TRAPPC13: variants seen among roughly 807,000 people sequenced by gnomAD.
TRAPPC13 encodes the protein REV7-interacting novel NHEJ regulator 1.
In TRAPPC13, 39 loss-of-function variants were observed where a neutral mutation model predicts 54.0. The observed-to-expected ratio is 0.72, with a 90% confidence interval of 0.56 to 0.94. TRAPPC13 has a LOEUF of 0.94. Ranked by LOEUF, TRAPPC13 falls within the 40% of genes least tolerant of loss-of-function variation. The pLI, the probability that TRAPPC13 is intolerant of heterozygous loss-of-function variation, is 0.00. For missense variants in TRAPPC13, 386 were observed against 488.1 expected (o/e 0.79, Z 1.97); for synonymous variants, 148 against 167.7 (o/e 0.88, Z 0.91).
At chr5:65,627,131 C>CAAAAAAAAAAAAAAAAAAAAAAAA (rs60169195) in intron 1 of TRAPPC13, among the ~76,000 whole-genome samples, 13 of 32,576 alleles carry the variant, frequency 4.0e-4, no homozygotes, top group Non-Finnish European at 4.5e-4. Flanking sequence ...GACCCTGTCT[C>CAAAAAAAAAAAAAAAAAAAAAAAA]AAAAAAAAAA....
Position 65,662,160 on chromosome 5 carries a change from C to G in TRAPPC13, c.998+10C>G. The G allele has an allele frequency of 6.3e-7, 1 of 1,579,086 alleles. No individual in the cohort carries two copies. Among genetic ancestry groups the G allele is most frequent in the Non-Finnish European group, 8.6e-7 (1 of 1,157,460 alleles). On this transcript the variant is annotated intron_variant, in intron 11 of 12. Transcript: ENST00000399438. ...AAATAACAAACTGCAGGTAATGCCA[C>G]TGTTTGTAGATGGATGTCCTTTCTA... is the stretch of plus-strand genomic sequence containing the variant.
rs373648699 is a variant in TRAPPC13 at position 65,629,885 on chromosome 5, C to A, written c.46+4779C>A. 8.5e-6 allele frequency: 13 copies of A among 1,535,956 alleles called. No homozygotes were observed. In the East Asian group the frequency reaches 1.2e-4, roughly 14 times the overall value. Reference sequence around the variant, plus strand: ...GGAGTTTCAACCTAGCTTGAAAAAGCAGCATTTAACCTGGTCACACACACT... The same window carrying A: ...GGAGTTTCAACCTAGCTTGAAAAAGAAGCATTTAACCTGGTCACACACACT... On this transcript the variant is annotated intron_variant, in intron 1 of 12. Coordinates refer to ENST00000399438, the MANE Select transcript of TRAPPC13 (RefSeq NM_024941.4).
At chr5:65,653,107 A>G (rs1756529769) in intron 7 of TRAPPC13, among the ~76,000 whole-genome samples, 1 of 150,234 alleles carries the variant, frequency 6.7e-6, no homozygotes, top group Admixed American at 6.6e-5. Context: ...TTTACCCTAA[A>G]AAAAAAGAGA....
Position 65,658,394 on chromosome 5 carries a change from G to C in TRAPPC13, c.591G>C (p.Gln197His), listed in dbSNP as rs781238575. Residue 197 changes from glutamine (Q) to histidine (H), a missense_variant, in exon 9 of 13, where the codon CAG becomes CAC. Transcript: ENST00000399438. ...SVTDEVFLEA[Q>H]IQNMTTSPMF... ...CTGATGAAGTATTTCTGGAAGCCCA[G>C]ATTCAGAATATGACAACCTCACCTA... 1.3e-6 allele frequency: 2 copies of C among 1,599,896 alleles called. No homozygotes were observed. The highest frequency in any genetic ancestry group is 2.3e-5 in the South Asian group (2 of 88,680).
chr5:65,663,364 T>C (rs1237351741), intron 11 of TRAPPC13: 1 of 152,144 alleles, frequency 6.6e-6, no homozygotes, highest in Non-Finnish European at 1.5e-5. Context: ...ACACAACATA[T>C]ATAAGTCTTA....
rs191128319 is a variant in TRAPPC13 at position 65,637,876 on chromosome 5, T to C, written c.300+96T>C. The C allele has an allele frequency of 1.7e-5, 10 of 580,208 alleles. No individual in the cohort carries two copies. The East Asian group carries it at 4.1e-4, about 24-fold the overall frequency. The allele number at this position is 580,208 out of a possible 1,614,324, so 35.9% of individuals were successfully genotyped here. On this transcript the variant is annotated intron_variant, in intron 4 of 12. Transcript: ENST00000399438. ...GCTCATGCCTGTAATCCTAGCACTTTAGGAGGCTGAAGCAGGTGGATCACC... is the reference window on the plus strand; with the variant it reads ...GCTCATGCCTGTAATCCTAGCACTTCAGGAGGCTGAAGCAGGTGGATCACC...
chr5:65,634,982 T>A, intron 1 of TRAPPC13: 1 of 888,456 alleles, frequency 1.1e-6, no homozygotes, highest in Non-Finnish European at 1.3e-6. Context: ...AGAATTTTTT[T>A]AAAGCCTTAT....
chr5:65,656,752 A>C (rs924195278), intron 8 of TRAPPC13, among the ~76,000 whole-genome samples: 6 of 151,938 alleles, frequency 3.9e-5, no homozygotes, highest in Non-Finnish European at 7.4e-5. Context: ...TAAAAAATAC[A>C]AAAATTAGCC....
At chr5:65,626,907 G>A (rs1755261902) in intron 1 of TRAPPC13, among the ~76,000 whole-genome samples, 2 of 151,916 alleles carry the variant, frequency 1.3e-5, no homozygotes, top group South Asian at 2.1e-4. Context: ...TTGGGAGGCC[G>A]AGGCTGGCAG....
intron 10 of TRAPPC13, chr5:65,661,150 T>C (rs1756838778): frequency 1.0e-5 from 2 of 190,606 alleles, no homozygotes; most frequent in South Asian, 8.8e-5. Context: ...AAAATAACTG[T>C]TATTAAGTGT....
At chr5:65,661,527 A>AATG (rs542873795) in intron 10 of TRAPPC13, 1 of 152,438 alleles carries the variant, frequency 6.6e-6, no homozygotes, top group African/African-American at 2.4e-5. Context: ...ATTTTTAAAA[A>AATG]ATGATGATGA....
At chr5:65,651,631 T>A (rs926489546) in intron 6 of TRAPPC13, among the ~76,000 whole-genome samples, 2 of 123,084 alleles carry the variant, frequency 1.6e-5, no homozygotes, top group Non-Finnish European at 3.6e-5. Context: ...AAAACACTGG[T>A]TTAGCACATT....
chr5:65,635,647 G>T (rs1755717975), intron 2 of TRAPPC13, among the ~76,000 whole-genome samples: 1 of 151,724 alleles, frequency 6.6e-6, no homozygotes, highest in East Asian at 1.9e-4. Context: ...ATCCTCAAAT[G>T]TTGCATCAAT....
chr5:65,641,725 A>C (rs377395420), intron 4 of TRAPPC13, among the ~76,000 whole-genome samples: 27 of 147,320 alleles, frequency 1.8e-4, no homozygotes, highest in Admixed American at 6.1e-4. Flanking sequence ...AAAAAAAAAA[A>C]CAAAAAAAAC....
intron 6 of TRAPPC13, among the ~76,000 whole-genome samples, chr5:65,651,644 T>C (rs1476825355): frequency 2.4e-5 from 2 of 84,504 alleles, no homozygotes; most frequent in African/African-American, 7.1e-5. Context: ...AGCACATTTA[T>C]GTGGGGGGGG....
At chr5:65,664,483 C>CCTCT (rs750075669) in intron 12 of TRAPPC13, 21 bp from the exon 13 acceptor site, 1 of 1,034,352 alleles carries the variant, frequency 9.7e-7, no homozygotes, top group Admixed American at 2.4e-5. Context: ...AACTTAGACT[C>CCTCT]ATCTCTCTCT....
intron 11 of TRAPPC13, chr5:65,663,615 A>G (rs1156778026): frequency 2.0e-5 from 3 of 152,224 alleles, no homozygotes; most frequent in Non-Finnish European, 4.4e-5. Flanking sequence ...ATTTTTCATT[A>G]TGAGCCTTTT....
chr5:65,630,250 A>C (rs1043631186), intron 1 of TRAPPC13: 2 of 1,535,784 alleles, frequency 1.3e-6, no homozygotes, highest in Non-Finnish European at 1.7e-6. Context: ...TGTATTGTGA[A>C]TATGTGGGAA....
chr5:65,629,551 A>G (rs1298169288), intron 1 of TRAPPC13: 7 of 1,475,466 alleles, frequency 4.7e-6, no homozygotes, highest in African/African-American at 1.4e-5. Flanking sequence ...CAACTAAGAA[A>G]TTTTCTCATC....
Sources: gnomAD v4.1 joint callset for allele counts (sites outside exome capture counted in the v4.1 genomes callset) on GRCh38, gnomAD v4.1.1 for gene constraint, MANE v1.5 for transcripts, NCBI Gene and HGNC (gene_info 2026-07-23, HGNC 2026-07-21) for gene names.